The following ATP8A2 variants were observed in gnomAD, a reference collection of about 807,000 sequenced individuals.
The protein encoded by ATP8A2 is ATPase phospholipid transporting 8A2.
Under a neutral mutation model 165.6 loss-of-function variants are expected in ATP8A2, and 100 were observed. The observed-to-expected ratio is 0.60, with a 90% CI of 0.51 to 0.71. The LOEUF (loss-of-function observed/expected upper bound fraction) is 0.71. ATP8A2 is among the 30% of genes least tolerant of loss of function. The pLI is 0.00. For missense variants in ATP8A2, 1,227 were observed against 1,479.5 expected (o/e 0.83, Z 2.80); for synonymous variants, 543 against 548.8 (o/e 0.99, Z 0.15).
At chr13:25,896,007 G>A (rs1385781484) in intron 33 of ATP8A2, among the ~76,000 whole-genome samples, 1 of 152,008 alleles carries the variant, frequency 6.6e-6, no homozygotes, top group Non-Finnish European at 1.5e-5. Context: ...TTGATTTTTT[G>A]AAGGGTTTTT....
intron 1 of ATP8A2, among the ~76,000 whole-genome samples, chr13:25,430,244 A>C (rs1301049801): frequency 2.0e-5 from 3 of 152,026 alleles, no homozygotes; most frequent in Non-Finnish European, 2.9e-5. Context: ...GCGAATGTGC[A>C]GCCTGAGACG....
chr13:25,662,536 A>T (rs999544179), intron 24 of ATP8A2, among the ~76,000 whole-genome samples: 1 of 152,140 alleles, frequency 6.6e-6, no homozygotes, highest in Non-Finnish European at 1.5e-5. Flanking sequence ...ATTATTTGGT[A>T]TAATATTATA....
At chr13:25,461,003 G>A (rs2137479934) in intron 1 of ATP8A2, among the ~76,000 whole-genome samples, 1 of 152,242 alleles carries the variant, frequency 6.6e-6, no homozygotes, top group East Asian at 1.9e-4. Flanking sequence ...CTATCCAGGA[G>A]GTGCTCAATA....
At chr13:25,710,862 A>G (rs1179877593) in intron 25 of ATP8A2, among the ~76,000 whole-genome samples, 1 of 127,486 alleles carries the variant, frequency 7.8e-6, no homozygotes, top group African/African-American at 2.9e-5. Context: ...CACTCAAGCT[A>G]TCGTGATGTC....
At chr13:25,786,516 TTTAA>T (rs1361626727) in intron 27 of ATP8A2, among the ~76,000 whole-genome samples, 3 of 152,216 alleles carry the variant, frequency 2.0e-5, no homozygotes, top group African/African-American at 7.2e-5. Flanking sequence ...TTTTTATTCG[TTTAA>T]TTAAACTGCA....
chr13:25,931,447 T>G (rs1593580633), intron 33 of ATP8A2, among the ~76,000 whole-genome samples: 1 of 152,200 alleles, frequency 6.6e-6, no homozygotes, highest in African/African-American at 2.4e-5. Flanking sequence ...TTATGGCTCC[T>G]GTCCTATGCT....
intron 1 of ATP8A2, among the ~76,000 whole-genome samples, chr13:25,451,686 G>C (rs748627202): frequency 6.6e-6 from 1 of 152,052 alleles, no homozygotes; most frequent in Non-Finnish European, 1.5e-5. Context: ...GAGGGAGTCA[G>C]TTGCTTGGAT....
intron 24 of ATP8A2, among the ~76,000 whole-genome samples, chr13:25,595,930 C>T (rs1007204531): frequency 1.2e-4 from 18 of 151,320 alleles, no homozygotes; most frequent in African/African-American, 4.4e-4. Flanking sequence ...TTCTTAAGGT[C>T]CCACTCTTTC....
intron 34 of ATP8A2, among the ~76,000 whole-genome samples, chr13:25,964,062 T>A (rs1955721664): frequency 6.6e-6 from 1 of 152,222 alleles, no homozygotes; most frequent in African/African-American, 2.4e-5. Context: ...GTCGTCACTC[T>A]GCAGCAGGAG....
chr13:26,009,342 G>A (rs1956798438), intron 35 of ATP8A2, among the ~76,000 whole-genome samples: 1 of 152,158 alleles, frequency 6.6e-6, no homozygotes, highest in Non-Finnish European at 1.5e-5. Flanking sequence ...GCCAGAGTAA[G>A]GCAGCGTGGG....
intron 1 of ATP8A2, among the ~76,000 whole-genome samples, chr13:25,414,284 G>A (rs1201696579): frequency 2.0e-5 from 3 of 149,890 alleles, no homozygotes; most frequent in Non-Finnish European, 4.4e-5. Context: ...TCTGCCTCCC[G>A]GGTTCAAGCG....
intron 2 of ATP8A2, among the ~76,000 whole-genome samples, chr13:25,473,843 A>G (rs866459887): frequency 7.2e-5 from 11 of 152,216 alleles, no homozygotes; most frequent in Non-Finnish European, 1.2e-4. Flanking sequence ...TTAATTTTAT[A>G]TATCTAAATT....
intron 33 of ATP8A2, among the ~76,000 whole-genome samples, chr13:25,885,086 A>C (rs1424259297): frequency 1.4e-5 from 2 of 143,772 alleles, no homozygotes; most frequent in South Asian, 2.2e-4. Context: ...CCTGAGAGTC[A>C]GTCTCCTTTC....
chr13:25,372,076 C>T lies in ATP8A2; in HGVS notation c.-137C>T. The T allele has an allele frequency of 2.1e-6, 1 of 482,194 alleles. No homozygotes were observed. The highest frequency in any genetic ancestry group is 4.7e-5 in the East Asian group (1 of 21,444). The allele number at this position is 482,194 out of a possible 1,614,324, so 29.9% of individuals were successfully genotyped here. A position where few individuals can be genotyped will look rare whatever the true frequency, so the allele number is the denominator to read the frequency against. The stretch of plus-strand genomic sequence containing the variant: ...AGCCTCGGGCGCGGCCCGGCACAGG[C>T]GCCGGCGGTCCCCGCCAGCTAGCAG... On this transcript the variant is annotated 5_prime_UTR_variant, in exon 1 of 37. Transcript: ENST00000381655. This position sits in a 1 kb window ranked among gnomAD's most constrained non-coding sequence, Gnocchi z 4.8.
chr13:25,413,253 CTT>C (rs1181917879), intron 1 of ATP8A2, among the ~76,000 whole-genome samples: 1 of 142,778 alleles, frequency 7.0e-6, no homozygotes, highest in Non-Finnish European at 1.5e-5. Flanking sequence ...TGTAGTCAGA[CTT>C]TTTTTTCTTT....
At chr13:25,585,012 G>A (rs77402953) in intron 23 of ATP8A2, among the ~76,000 whole-genome samples, 1,774 of 152,112 alleles carry the variant, frequency 0.012, 36 homozygotes, top group African/African-American at 0.04. Flanking sequence ...CGTAGTTTGA[G>A]AATTTATTTT....
At chr13:25,810,247 G>A (rs1950834235) in intron 27 of ATP8A2, among the ~76,000 whole-genome samples, 1 of 152,168 alleles carries the variant, frequency 6.6e-6, no homozygotes, top group South Asian at 2.1e-4. Flanking sequence ...TTGTACAGAA[G>A]TCTGTTTCTT....
At chr13:25,847,521 A>G (rs1237187484) in intron 30 of ATP8A2, among the ~76,000 whole-genome samples, 2 of 152,132 alleles carry the variant, frequency 1.3e-5, no homozygotes, top group Non-Finnish European at 2.9e-5. Flanking sequence ...TATTTTAGAC[A>G]GTTGGGTTTG....
chr13:25,720,346 T>C (rs1311602132), intron 25 of ATP8A2, among the ~76,000 whole-genome samples: 1 of 151,882 alleles, frequency 6.6e-6, no homozygotes, highest in South Asian at 2.1e-4. Flanking sequence ...ATATTTTTAG[T>C]AGAGACGGGG....
Sources: allele counts gnomAD v4.1 joint callset (sites outside exome capture counted in the v4.1 genomes callset), GRCh38; gene constraint gnomAD v4.1.1; non-coding constraint Gnocchi (gnomAD v3.1); transcripts MANE v1.5; gene names NCBI Gene and HGNC (gene_info 2026-07-23, HGNC 2026-07-21).